The following DCDC2 variants were observed in gnomAD, a reference collection of about 807,000 sequenced individuals.
The protein encoded by DCDC2 is doublecortin domain containing 2.
In DCDC2, 40 loss-of-function variants were observed where a neutral mutation model predicts 50.2. The observed-to-expected ratio is 0.80, with a 90% confidence interval of 0.62 to 1.04. The LOEUF is 1.04. Ranked by LOEUF, DCDC2 falls within the 50% of genes least tolerant of loss-of-function variation. The pLI is 0.00. For synonymous variants in DCDC2, 234 were observed against 210.6 expected, an observed-to-expected ratio of 1.11 and a Z score of -0.96; for missense variants, 570 against 581.9, an observed-to-expected ratio of 0.98 and a Z score of 0.21.
chr6:24,184,498 G>C (rs1301891181), intron 8 of DCDC2, among the ~76,000 whole-genome samples: 1 of 151,916 alleles, frequency 6.6e-6, no homozygotes, highest in Non-Finnish European at 1.5e-5. Flanking sequence ...TTGAACCCAG[G>C]AGATGGAGGT....
chr6:24,215,921 G>C (rs1761963544), intron 7 of DCDC2, among the ~76,000 whole-genome samples: 1 of 152,196 alleles, frequency 6.6e-6, no homozygotes, highest in South Asian at 2.1e-4. Context: ...GAGAGTTGAG[G>C]GAAACAGAAG....
At chr6:24,300,051 A>G (rs183433806) in intron 4 of DCDC2, among the ~76,000 whole-genome samples, 1 of 152,174 alleles carries the variant, frequency 6.6e-6, no homozygotes, top group Non-Finnish European at 1.5e-5. Context: ...GTTTGTATAC[A>G]TGTATTTATT....
the DCDC2 span, among the ~76,000 whole-genome samples, chr6:24,380,781 A>G: frequency 1.3e-5 from 2 of 152,222 alleles, no homozygotes; most frequent in Non-Finnish European, 2.9e-5. Flanking sequence ...CCTCAGCTTT[A>G]TTAAGGTATA....
At chr6:24,220,061 T>C (rs562576441) in intron 7 of DCDC2, among the ~76,000 whole-genome samples, 1 of 152,296 alleles carries the variant, frequency 6.6e-6, no homozygotes, top group South Asian at 2.1e-4. Flanking sequence ...AAGTGAAATA[T>C]AAGGCTACCC....
intron 8 of DCDC2, among the ~76,000 whole-genome samples, chr6:24,203,790 GA>G (rs953336135): frequency 4.7e-5 from 7 of 147,974 alleles, no homozygotes; most frequent in Non-Finnish European, 1.0e-4. Context: ...AAATTTACAA[GA>G]AAAAAAACAA....
At chr6:24,330,472 T>C (rs1561777433) in intron 2 of DCDC2, among the ~76,000 whole-genome samples, 2 of 152,192 alleles carry the variant, frequency 1.3e-5, no homozygotes, top group South Asian at 4.1e-4. Flanking sequence ...AAAAAGTCAT[T>C]TTGTCTAGCT....
chr6:24,202,553 T>C (rs143773189), intron 8 of DCDC2, among the ~76,000 whole-genome samples: 23,247 of 152,166 alleles, frequency 0.15, 1,948 homozygotes, highest in Middle Eastern at 0.2. Context: ...GCTGGAAGCA[T>C]TCCCTTTGAA....
intron 7 of DCDC2, among the ~76,000 whole-genome samples, chr6:24,231,459 A>G (rs1391920843): frequency 6.6e-6 from 1 of 152,146 alleles, no homozygotes; most frequent in Non-Finnish European, 1.5e-5. Context: ...CACTTTCTAC[A>G]TATAACAAGT....
intron 7 of DCDC2, among the ~76,000 whole-genome samples, chr6:24,241,581 A>G (rs1455710977): frequency 6.6e-6 from 1 of 152,232 alleles, no homozygotes; most frequent in Non-Finnish European, 1.5e-5. Flanking sequence ...CAACTACACA[A>G]AACTCTAGGT....
chr6:24,249,206 G>A (rs1420428744), intron 7 of DCDC2, among the ~76,000 whole-genome samples: 1 of 152,102 alleles, frequency 6.6e-6, no homozygotes, highest in Non-Finnish European at 1.5e-5. Flanking sequence ...TATTTTAAAA[G>A]TTAATGTGAG....
chr6:24,278,286 T>A, intron 6 of DCDC2, 75 bp from the exon 7 acceptor site: 1 of 1,365,834 alleles, frequency 7.3e-7, no homozygotes, highest in Non-Finnish European at 1.0e-6. Flanking sequence ...TACATGTCAT[T>A]AACTACTGGT....
intron 6 of DCDC2, among the ~76,000 whole-genome samples, chr6:24,281,733 G>T (rs1763477060): frequency 6.6e-6 from 1 of 152,010 alleles, no homozygotes; most frequent in Non-Finnish European, 1.5e-5. Context: ...CAAATACATA[G>T]ATAGTCATTG....
intron 8 of DCDC2, among the ~76,000 whole-genome samples, chr6:24,188,622 T>A (rs184544264): frequency 1.3e-5 from 2 of 152,326 alleles, no homozygotes; most frequent in East Asian, 3.9e-4. Flanking sequence ...AATTTTGTGA[T>A]GAAAATTTTT....
At chr6:24,356,936 G>C (rs1046999574) in intron 1 of DCDC2, 1 of 152,608 alleles carries the variant, frequency 6.6e-6, no homozygotes, top group African/African-American at 2.4e-5. Flanking sequence ...GCAGGGGGTG[G>C]GAGCAGGGTC....
At chr6:24,322,582 C>G (rs902515803) in intron 2 of DCDC2, among the ~76,000 whole-genome samples, 3 of 150,890 alleles carry the variant, frequency 2.0e-5, no homozygotes, top group African/African-American at 7.3e-5. Flanking sequence ...AACCTGCTCT[C>G]TCTGAAGTCT....
At chr6:24,313,944 G>A (rs1214851761) in intron 2 of DCDC2, among the ~76,000 whole-genome samples, 1 of 152,172 alleles carries the variant, frequency 6.6e-6, no homozygotes, top group African/African-American at 2.4e-5. Flanking sequence ...ATAAGGTGGT[G>A]CAGCTTATTC....
intron 7 of DCDC2, among the ~76,000 whole-genome samples, chr6:24,226,867 T>G (rs1444168146): frequency 2.6e-5 from 4 of 152,142 alleles, no homozygotes. Context: ...TTAACAATGA[T>G]CCACAAAGAA....
At position 24,174,831 on chromosome 6, in the gene DCDC2, C is replaced by G; in HGVS notation, c.1330G>C (p.Asp444His). The G allele has an allele frequency of 1.2e-6, 2 of 1,609,132 alleles. No individual in the cohort carries two copies. Among genetic ancestry groups the G allele is most frequent in the Non-Finnish European group, 1.7e-6 (2 of 1,176,276 alleles). ...QGAGSGQDEA[D>H]VDPQRPPRPE... ...CTTGGTGGTCTTTGAGGGTCTACAT[C>G]AGCCTAGAAGAAAATAGATCAAAAC... The change falls in exon 10 of 10, where the codon GAT becomes CAT. Residue 444 changes from aspartate (D) to histidine (H), a missense_variant. Coordinates refer to ENST00000378454, the MANE Select transcript of DCDC2 (RefSeq NM_016356.5).
rs1404814907 is a variant in DCDC2 at position 24,211,428 on chromosome 6, C to T, written c.923-6326G>A. ...ATAATGCCCCCCACCCCCAAGATGT[C>T]CACATCCTGATCGTAAGAAACTGTG... On this transcript the variant is annotated intron_variant, in intron 7 of 9. Coordinates refer to ENST00000378454, the MANE Select transcript of DCDC2 (RefSeq NM_016356.5). 1.3e-5 allele frequency among the ~76,000 whole-genome samples: 2 copies of T among 152,114 alleles called. 1 individual carries two copies. The highest frequency in any genetic ancestry group is 4.8e-5 in the African/African-American group (2 of 41,426).
Sources: allele counts gnomAD v4.1 joint callset (sites outside exome capture counted in the v4.1 genomes callset), GRCh38; gene constraint gnomAD v4.1.1; transcripts MANE v1.5; gene names NCBI Gene and HGNC (gene_info 2026-07-23, HGNC 2026-07-21).